WDPCP: variants seen among roughly 807,000 people sequenced by gnomAD.
WDPCP encodes the protein WD repeat containing planar cell polarity effector, also known as WD repeat-containing and planar cell polarity effector protein fritz homolog.
WDPCP carries 71 observed loss-of-function variants against 93.1 expected under a neutral mutation model. That is an observed-to-expected ratio of 0.76 (90% CI 0.63 to 0.93). The LOEUF is 0.93. Among genes scored for constraint, WDPCP ranks in the 40% least tolerant of loss-of-function variants. WDPCP has a pLI of 0.00. For missense variants in WDPCP, 844 were observed against 887.4 expected (o/e 0.95, Z 0.62); for synonymous variants, 315 against 315.0 (o/e 1.00, Z 0.00).
intron 1 of WDPCP, among the ~76,000 whole-genome samples, chr2:63,505,142 T>C (rs953591552): frequency 9.9e-5 from 15 of 152,072 alleles, no homozygotes; most frequent in Non-Finnish European, 2.1e-4. Context: ...TTTATAAGAA[T>C]TCTGCAGTGA....
intron 1 of WDPCP, among the ~76,000 whole-genome samples, chr2:63,826,328 G>A (rs901509830): frequency 1.3e-5 from 2 of 151,438 alleles, no homozygotes; most frequent in Middle Eastern, 3.5e-3. Context: ...ACTCTGCCTC[G>A]CTAGTGGGTA....
At chr2:63,756,218 A>G (rs943929837) in intron 2 of WDPCP, among the ~76,000 whole-genome samples, 1 of 152,210 alleles carries the variant, frequency 6.6e-6, no homozygotes, top group Non-Finnish European at 1.5e-5. Context: ...ATTTCCACTG[A>G]AGATAGTATA....
At chr2:63,551,435 G>T (rs909252437) in intron 1 of WDPCP, among the ~76,000 whole-genome samples, 2 of 152,094 alleles carry the variant, frequency 1.3e-5, no homozygotes, top group African/African-American at 4.8e-5. Context: ...GTGAGATCGG[G>T]TTATTTAAGA....
chr2:63,376,773 T>C (rs1691886069), intron 12 of WDPCP, among the ~76,000 whole-genome samples: 1 of 151,952 alleles, frequency 6.6e-6, no homozygotes, highest in South Asian at 2.1e-4. Flanking sequence ...AATATGCTAA[T>C]GTCATTCAGA....
intron 3 of WDPCP, among the ~76,000 whole-genome samples, chr2:63,632,653 A>T (rs1041257814): frequency 6.6e-6 from 1 of 152,222 alleles, no homozygotes; most frequent in Non-Finnish European, 1.5e-5. Flanking sequence ...AAGACAGGTC[A>T]TTTGAAATTA....
intron 6 of WDPCP, among the ~76,000 whole-genome samples, chr2:63,458,870 G>A (rs4671509): frequency 0.81 from 123,859 of 152,184 alleles, 51,191 homozygotes; most frequent in East Asian, 0.98. Context: ...TGATATTCGT[G>A]TAACAACAGA....
intron 14 of WDPCP, among the ~76,000 whole-genome samples, chr2:63,223,521 A>C (rs999305877): frequency 4.6e-5 from 7 of 152,158 alleles, no homozygotes; most frequent in African/African-American, 1.4e-4. Context: ...TGTGGAGCTT[A>C]CAAGAGGCCT....
At chr2:63,744,213 G>C (rs1669762388) in intron 2 of WDPCP, among the ~76,000 whole-genome samples, 1 of 152,066 alleles carries the variant, frequency 6.6e-6, no homozygotes, top group African/African-American at 2.4e-5. Flanking sequence ...ATACTTTACA[G>C]CTTCAGTTTA....
intron 2 of WDPCP, among the ~76,000 whole-genome samples, chr2:63,740,733 A>C (rs1026880045): frequency 2.6e-5 from 4 of 152,122 alleles, no homozygotes; most frequent in African/African-American, 9.7e-5. Context: ...GCTCTTCCTC[A>C]AACCACAATT....
At chr2:63,465,134 ATTAT>A (rs912139828) in intron 6 of WDPCP, among the ~76,000 whole-genome samples, 2 of 151,672 alleles carry the variant, frequency 1.3e-5, no homozygotes, top group African/African-American at 2.4e-5. Context: ...AAATTTATTT[ATTAT>A]TTATTTATTT....
At position 63,122,205 on chromosome 2, in the gene WDPCP, G is replaced by A. The variant is rs1287958997; in HGVS notation, c.2191-149C>T. The A allele has an allele frequency of 1.3e-5, 8 of 630,944 alleles. 1 individual carries two copies. The highest frequency in any genetic ancestry group is 2.1e-5 in the Non-Finnish European group (8 of 376,522). The allele number at this position is 630,944 out of a possible 1,614,324, so 39.1% of individuals were successfully genotyped here. A position where few individuals can be genotyped will look rare whatever the true frequency, so the allele number is the denominator to read the frequency against. On this transcript the variant is annotated intron_variant, in intron 17 of 17. Coordinates refer to ENST00000272321, the MANE Select transcript of WDPCP (RefSeq NM_015910.7). ...CTGCACATAGATACATAAGATAACTGTATACTTACCTGACTTGGTCATCAA... is the reference window on the plus strand; with the variant it reads ...CTGCACATAGATACATAAGATAACTATATACTTACCTGACTTGGTCATCAA...
intron 1 of WDPCP, among the ~76,000 whole-genome samples, chr2:63,527,765 TC>T (rs1158157083): frequency 6.6e-6 from 1 of 152,068 alleles, no homozygotes; most frequent in Non-Finnish European, 1.5e-5. Context: ...AAATGGTATT[TC>T]TAGTTCTAGA....
intron 6 of WDPCP, among the ~76,000 whole-genome samples, chr2:63,455,495 TGGAAAACAAAACACACCAG>T (rs1170800440): frequency 1.4e-5 from 2 of 145,220 alleles, no homozygotes; most frequent in African/African-American, 5.1e-5. Context: ...TCCACGCAAA[TGGAAAACAAAACACACCAG>T]GAGTAGTTAC....
chr2:63,833,666 C>G, the WDPCP span, among the ~76,000 whole-genome samples: 2 of 152,158 alleles, frequency 1.3e-5, no homozygotes, highest in Non-Finnish European at 2.9e-5. Flanking sequence ...TGCTTACTTC[C>G]TAACTCTTTC....
intron 13 of WDPCP, among the ~76,000 whole-genome samples, chr2:63,309,944 C>T (rs186683661): frequency 6.6e-6 from 1 of 152,060 alleles, no homozygotes; most frequent in East Asian, 1.9e-4. Flanking sequence ...AACTAGGCTG[C>T]CTTGATTCAA....
At chr2:63,123,513 G>C in intron 17 of WDPCP, among the ~76,000 whole-genome samples, 1 of 151,658 alleles carries the variant, frequency 6.6e-6, no homozygotes, top group South Asian at 2.1e-4. Context: ...GATCTTCCAG[G>C]ATTTAAAAAA....
chr2:63,530,586 C>T (rs1350428044), intron 1 of WDPCP, among the ~76,000 whole-genome samples: 2 of 152,280 alleles, frequency 1.3e-5, no homozygotes, highest in African/African-American at 4.8e-5. Flanking sequence ...AGAGCCAGTG[C>T]AAAAATGTTG....
At position 63,286,070 on chromosome 2, in the gene WDPCP, A is replaced by G. The variant is rs560189652; in HGVS notation, c.1813-26661T>C. On this transcript the variant is annotated intron_variant, in intron 13 of 17. Transcript: ENST00000272321. ...TCACCCAAGCTGAGGGGCAGTGACA[A>G]TCATCGCTCACTGCAGCCTCGAACT... Among the ~76,000 whole-genome samples the G allele has an allele frequency of 5.9e-5, 9 of 152,020 alleles. No homozygotes were observed. The East Asian group carries it at 9.7e-4, about 16-fold the overall frequency.
intron 1 of WDPCP, among the ~76,000 whole-genome samples, chr2:63,548,964 G>A (rs1022577425): frequency 6.6e-6 from 1 of 152,146 alleles, no homozygotes; most frequent in Admixed American, 6.5e-5. Context: ...AATATCATCT[G>A]TTGGCCAGGC....
Sources: allele counts gnomAD v4.1 joint callset (sites outside exome capture counted in the v4.1 genomes callset), GRCh38; gene constraint gnomAD v4.1.1; transcripts MANE v1.5; gene names NCBI Gene and HGNC (gene_info 2026-07-23, HGNC 2026-07-21).